The following NPEPL1 variants were observed in gnomAD, a reference collection of about 807,000 sequenced individuals.
The protein encoded by NPEPL1 is probable aminopeptidase NPEPL1.
NPEPL1 carries 45 observed loss-of-function variants against 52.4 expected under a neutral mutation model. That is an observed-to-expected ratio of 0.86 (90% confidence interval 0.68 to 1.10). The LOEUF is 1.10. Ranked by LOEUF, NPEPL1 falls within the 50% of genes least tolerant of loss-of-function variation. The probability of loss-of-function intolerance (pLI) is 0.00; values close to 1 mark genes in which losing one functional copy is unlikely to be tolerated. For missense variants in NPEPL1, 696 were observed against 710.9 expected, an observed-to-expected ratio of 0.98 and a Z score of 0.24; for synonymous variants, 360 against 314.7, an observed-to-expected ratio of 1.14 and a Z score of -1.52.
chr20:58,715,018 G>A (rs974084986), intron 11 of NPEPL1, 150 bp from the exon 12 acceptor site: 9 of 886,136 alleles, frequency 1.0e-5, no homozygotes, highest in Non-Finnish European at 1.3e-5. Context: ...AGCATGGAAG[G>A]CTCTGGGCTC....
chr20:58,698,815 T>G, intron 4 of NPEPL1, 42 bp downstream of exon 4: 1 of 1,552,852 alleles, frequency 6.4e-7, no homozygotes, highest in African/African-American at 1.4e-5. Context: ...CAGGCTGGGG[T>G]GGGTGTCATA....
chr20:58,691,578 G>T, upstream of NPEPL1: 2 of 634,388 alleles, frequency 3.2e-6, no homozygotes, highest in Non-Finnish European at 5.6e-6. Context: ...AGCCTGGCTT[G>T]TGGCTCCCGG....
intron 8 of NPEPL1, 88 bp downstream of exon 8, chr20:58,712,667 C>T (rs561631348): frequency 2.9e-5 from 28 of 956,986 alleles, no homozygotes; most frequent in South Asian, 3.9e-5. Context: ...CCAGGCATAT[C>T]GGGAGGGCAC....
At chr20:58,702,529 GT>G (rs759314776) in intron 6 of NPEPL1, among the ~76,000 whole-genome samples, 1 of 152,168 alleles carries the variant, frequency 6.6e-6, no homozygotes, top group African/African-American at 2.4e-5. Context: ...CATAAAAAGG[GT>G]TTTTTGTTTT....
upstream of NPEPL1, among the ~76,000 whole-genome samples, chr20:58,689,488 T>G (rs2084311969): frequency 6.6e-6 from 1 of 152,150 alleles, no homozygotes; most frequent in Admixed American, 6.5e-5. Flanking sequence ...CTCAAACTCC[T>G]GGCCTCAAGT....
intron 7 of NPEPL1, among the ~76,000 whole-genome samples, chr20:58,711,936 G>A (rs1233069241): frequency 6.4e-5 from 9 of 141,410 alleles, no homozygotes; most frequent in Non-Finnish European, 1.4e-4. Flanking sequence ...ATTGCTGCCC[G>A]GGTGTGGCCC....
At chr20:58,697,996 G>A (rs1181583259) in intron 3 of NPEPL1, among the ~76,000 whole-genome samples, 1 of 152,246 alleles carries the variant, frequency 6.6e-6, no homozygotes, top group African/African-American at 2.4e-5. Flanking sequence ...ACCTCCCTCT[G>A]TGTCCTTCCC....
intron 6 of NPEPL1, among the ~76,000 whole-genome samples, chr20:58,701,778 A>G (rs929352019): frequency 2.0e-5 from 3 of 152,154 alleles, no homozygotes; most frequent in Admixed American, 6.5e-5. Context: ...GTGACCCCCA[A>G]GAGCGAGGGG....
chr20:58,694,841 C>G (rs1352092393), intron 3 of NPEPL1, among the ~76,000 whole-genome samples: 1 of 152,212 alleles, frequency 6.6e-6, no homozygotes, highest in African/African-American at 2.4e-5. Context: ...TAATCAGTGC[C>G]AGGAACGTCC....
chr20:58,704,345 G>A, intron 6 of NPEPL1: 6 of 985,412 alleles, frequency 6.1e-6, no homozygotes, highest in Non-Finnish European at 7.2e-6. Flanking sequence ...AGACCAGCCT[G>A]GACTAGCAGG....
At chr20:58,695,074 T>C (rs2084444223) in intron 3 of NPEPL1, among the ~76,000 whole-genome samples, 1 of 137,110 alleles carries the variant, frequency 7.3e-6, no homozygotes. Context: ...ATGAGTGGTG[T>C]GTGTGGTGTA....
upstream of NPEPL1, chr20:58,692,761 C>A (rs1007626497): frequency 1.0e-6 from 1 of 954,578 alleles, no homozygotes; most frequent in Non-Finnish European, 1.2e-6. This position sits in a 1 kb window ranked among gnomAD's most constrained non-coding sequence, Gnocchi z 5.7. Context: ...GCGAGCAGCC[C>A]GGAGCGGCGG....
chr20:58,691,688 C>CTTTTGTTTTTTTTTTTTTTTTTTT, upstream of NPEPL1: 2 of 696,546 alleles, frequency 2.9e-6, no homozygotes, highest in Non-Finnish European at 2.1e-6. Flanking sequence ...TTCTTTTTTT[C>CTTTTGTTTTTTTTTTTTTTTTTTT]TTTTCTTTTT....
intron 1 of NPEPL1, chr20:58,693,500 C>T (rs2084397702): frequency 2.2e-6 from 1 of 457,924 alleles, no homozygotes; most frequent in Non-Finnish European, 3.9e-6. Flanking sequence ...AGCCCCCAGC[C>T]TGGCCCTTCC....
At chr20:58,696,272 G>C (rs1372171079) in intron 3 of NPEPL1, among the ~76,000 whole-genome samples, 2 of 152,180 alleles carry the variant, frequency 1.3e-5, no homozygotes, top group East Asian at 3.9e-4. Context: ...TCCCTCTCCA[G>C]CCCAGCATGG....
chr20:58,691,042 C>T (rs1304300940), upstream of NPEPL1: 3 of 699,926 alleles, frequency 4.3e-6, no homozygotes, highest in East Asian at 5.4e-5. Context: ...AGGACTTCTC[C>T]CACGTGGAAG....
chr20:58,711,813 T>A (rs2084850369), intron 7 of NPEPL1, among the ~76,000 whole-genome samples: 1 of 152,212 alleles, frequency 6.6e-6, no homozygotes, highest in Admixed American at 6.5e-5. Flanking sequence ...GAGCTGTGTG[T>A]CCGCGCTCTC....
chr20:58,709,062 A>T (rs2084787319), intron 7 of NPEPL1, among the ~76,000 whole-genome samples: 1 of 151,592 alleles, frequency 6.6e-6, no homozygotes, highest in Non-Finnish European at 1.5e-5. Flanking sequence ...ATGATCACAG[A>T]TTCATCAGGC....
chr20:58,700,024 G>A (rs1439539979), intron 5 of NPEPL1, among the ~76,000 whole-genome samples: 1 of 152,244 alleles, frequency 6.6e-6, no homozygotes, highest in Non-Finnish European at 1.5e-5. Flanking sequence ...GGCTGGCGAT[G>A]TGCTTCCGGG....
Sources: allele counts gnomAD v4.1 joint callset (sites outside exome capture counted in the v4.1 genomes callset), GRCh38; gene constraint gnomAD v4.1.1; non-coding constraint Gnocchi (gnomAD v3.1); transcripts MANE v1.5; gene names NCBI Gene and HGNC (gene_info 2026-07-23, HGNC 2026-07-21).